HCN1: variants seen among roughly 807,000 people sequenced by gnomAD.
HCN1 encodes potassium/sodium hyperpolarization-activated cyclic nucleotide-gated channel 1.
A neutral mutation model predicts 78.9 loss-of-function variants in HCN1; 13 were observed. The observed-to-expected ratio is 0.16, with a 90% CI of 0.11 to 0.26. The LOEUF (loss-of-function observed/expected upper bound fraction) is 0.26. HCN1 is among the 10% of genes least tolerant of loss of function. HCN1 has a pLI of 1.00. For missense variants in HCN1, 810 were observed against 1,154.3 expected, an observed-to-expected ratio of 0.70 and a Z score of 4.32; for synonymous variants, 552 against 455.5, an observed-to-expected ratio of 1.21 and a Z score of -2.70.
intron 2 of HCN1, among the ~76,000 whole-genome samples, chr5:45,464,664 G>A (rs1400323779): frequency 6.6e-6 from 1 of 151,452 alleles, no homozygotes; most frequent in Admixed American, 6.6e-5. Flanking sequence ...CATATGTAAA[G>A]TATATAATAT....
intron 6 of HCN1, among the ~76,000 whole-genome samples, chr5:45,278,609 G>T (rs1745107644): frequency 6.6e-6 from 1 of 152,196 alleles, no homozygotes; most frequent in East Asian, 1.9e-4. Flanking sequence ...TAAAAAGTTT[G>T]TATGTAAGCT....
At chr5:45,439,961 A>T (rs1740639273) in intron 3 of HCN1, among the ~76,000 whole-genome samples, 1 of 148,368 alleles carries the variant, frequency 6.7e-6, no homozygotes, top group African/African-American at 2.4e-5. Flanking sequence ...TAACAAAAAT[A>T]TATTATTAAA....
rs982965047 is a variant in HCN1 at position 45,357,862 on chromosome 5, T to C, written c.1231-4616A>G. On this transcript the variant is annotated intron_variant, in intron 4 of 7. Transcript: ENST00000303230. ...GGGGTGGATCCCTCAAGGACAAAGA[T>C]TATGCCCTCCCTCAGGCGTGAGTGA... 4.6e-5 allele frequency among the ~76,000 whole-genome samples: 7 copies of C among 152,018 alleles called. No individual in the cohort carries two copies. In the East Asian group the frequency reaches 1.4e-3, roughly 29 times the overall value.
At chr5:45,455,631 T>C (rs1447914647) in intron 3 of HCN1, among the ~76,000 whole-genome samples, 2 of 150,980 alleles carry the variant, frequency 1.3e-5, no homozygotes, top group Admixed American at 1.3e-4. Flanking sequence ...GATTTAGGGG[T>C]TGAGGTAATT....
At chr5:45,315,872 T>C (rs1168084104) in intron 5 of HCN1, among the ~76,000 whole-genome samples, 1 of 152,134 alleles carries the variant, frequency 6.6e-6, no homozygotes, top group Non-Finnish European at 1.5e-5. Context: ...AGGAGGAAGC[T>C]GAATCCCTGA....
intron 6 of HCN1, among the ~76,000 whole-genome samples, chr5:45,286,619 A>G (rs1745274605): frequency 6.6e-6 from 1 of 151,954 alleles, no homozygotes; most frequent in African/African-American, 2.4e-5. Context: ...CTATCAACTG[A>G]CTTGTTAGTA....
intron 4 of HCN1, among the ~76,000 whole-genome samples, chr5:45,378,417 C>A (rs1368848532): frequency 6.6e-6 from 1 of 151,986 alleles, no homozygotes; most frequent in Non-Finnish European, 1.5e-5. Flanking sequence ...AGAAGTATTC[C>A]ATTCTGGAGT....
intron 3 of HCN1, among the ~76,000 whole-genome samples, chr5:45,419,323 A>G (rs891912906): frequency 6.6e-6 from 1 of 152,140 alleles, no homozygotes; most frequent in Non-Finnish European, 1.5e-5. Context: ...GCACCCTATG[A>G]GACAGGCTGA....
chr5:45,374,481 T>A (rs566611277), intron 4 of HCN1, among the ~76,000 whole-genome samples: 1 of 149,440 alleles, frequency 6.7e-6, no homozygotes, highest in Non-Finnish European at 1.5e-5. Flanking sequence ...AGACCAATAA[T>A]GAGTTTCAAA....
In HCN1 at chr5:45,262,373, ACTGCTGTACCTGCTGCTGCGG is replaced by A. The variant is rs1744763373; in HGVS notation, c.2200_2220del (p.Pro734_Gln740del). 3.1e-6 allele frequency: 5 copies of A among 1,612,066 alleles called. No individual in the cohort carries two copies. Among genetic ancestry groups the A allele is most frequent in the Non-Finnish European group, 3.4e-6 (4 of 1,179,580 alleles). On this transcript the variant is annotated inframe_deletion, in exon 8 of 8. Transcript: ENST00000303230. ...TGTGGCTGAGTCTGCGGCGGCTGGGACTGCTGTACCTGCTGCTGCGGCTGCTGTTGCATGAGTGACAGCTGG... is the reference window on the plus strand; with the variant it reads ...TGTGGCTGAGTCTGCGGCGGCTGGGACTGCTGTTGCATGAGTGACAGCTGG...
At chr5:45,266,175 G>A (rs540966709) in intron 7 of HCN1, among the ~76,000 whole-genome samples, 1 of 152,126 alleles carries the variant, frequency 6.6e-6, no homozygotes, top group Non-Finnish European at 1.5e-5. Flanking sequence ...CTTCAAACTA[G>A]CATAACTAAT....
At chr5:45,669,826 G>T (rs1386165739) in intron 1 of HCN1, among the ~76,000 whole-genome samples, 1 of 151,810 alleles carries the variant, frequency 6.6e-6, no homozygotes, top group Admixed American at 6.6e-5. Context: ...ATTATAGACT[G>T]TGTTAATGAA....
chr5:45,339,580 A>G (rs1746532534), intron 5 of HCN1, among the ~76,000 whole-genome samples: 1 of 152,182 alleles, frequency 6.6e-6, no homozygotes, highest in Non-Finnish European at 1.5e-5. Flanking sequence ...ATAAGAGGTC[A>G]TGAGCAGGTT....
At chr5:45,321,126 G>C (rs1361644822) in intron 5 of HCN1, among the ~76,000 whole-genome samples, 4 of 151,656 alleles carry the variant, frequency 2.6e-5, no homozygotes, top group Non-Finnish European at 5.9e-5. Flanking sequence ...TCAAAGAAAT[G>C]TTTCTATTTG....
At chr5:45,319,023 T>C (rs1746065398) in intron 5 of HCN1, among the ~76,000 whole-genome samples, 1 of 151,984 alleles carries the variant, frequency 6.6e-6, no homozygotes, top group South Asian at 2.1e-4. Flanking sequence ...AAGTGGGAGT[T>C]GATTCTTTTT....
chr5:45,487,589 G>C (rs1741793459), intron 2 of HCN1, among the ~76,000 whole-genome samples: 1 of 151,976 alleles, frequency 6.6e-6, no homozygotes, highest in Non-Finnish European at 1.5e-5. Flanking sequence ...AAAATCCACT[G>C]TCATAGGGTG....
At chr5:45,317,611 A>G (rs372021546) in intron 5 of HCN1, among the ~76,000 whole-genome samples, 6 of 152,148 alleles carry the variant, frequency 3.9e-5, no homozygotes, top group African/African-American at 1.4e-4. Context: ...AGAAACTACC[A>G]TCAGAGTGAA....
intron 3 of HCN1, among the ~76,000 whole-genome samples, chr5:45,452,068 A>T (rs1157947572): frequency 6.6e-6 from 1 of 152,012 alleles, no homozygotes; most frequent in Non-Finnish European, 1.5e-5. Context: ...ATGGATTGTG[A>T]TTCACTGCTA....
At position 45,299,314 on chromosome 5, in the gene HCN1, T is replaced by C. The variant is rs975041001; in HGVS notation, c.1618+4285A>G. Among the ~76,000 whole-genome samples the C allele has an allele frequency of 2.0e-5, 3 of 152,028 alleles. No individual in the cohort carries two copies. In the East Asian group the frequency reaches 5.8e-4, roughly 29 times the overall value. ...TTACATTGGAATTATCTGTATGATC[T>C]TTGCAATAATTATGTAAATATAAAG... On this transcript the variant is annotated intron_variant, in intron 6 of 7. Transcript: ENST00000303230.
Sources: gnomAD v4.1 joint callset for allele counts (sites outside exome capture counted in the v4.1 genomes callset) on GRCh38, gnomAD v4.1.1 for gene constraint, MANE v1.5 for transcripts, NCBI Gene and HGNC (gene_info 2026-07-23, HGNC 2026-07-21) for gene names.